TBC1D22A: variants seen among roughly 807,000 people sequenced by gnomAD.
The protein encoded by TBC1D22A is putative GTPase activator.
TBC1D22A carries 38 observed loss-of-function variants against 60.2 expected under a neutral mutation model. The ratio of observed to expected loss-of-function variants is 0.63; its 90% CI spans 0.49 to 0.83. The LOEUF is 0.83. Ranked by LOEUF, TBC1D22A falls within the 40% of genes least tolerant of loss-of-function variation. TBC1D22A has a pLI of 0.00. For synonymous variants in TBC1D22A, 302 were observed against 281.7 expected (o/e 1.07, Z -0.72); for missense variants, 628 against 701.0 (o/e 0.90, Z 1.18).
intron 6 of TBC1D22A, among the ~76,000 whole-genome samples, chr22:46,894,469 G>A (rs1222860759): frequency 6.6e-6 from 1 of 152,190 alleles, no homozygotes; most frequent in Admixed American, 6.5e-5. Flanking sequence ...GAAAATCGAT[G>A]TTTACTAATT....
At chr22:47,057,790 CGTG>C (rs1569400401) in intron 11 of TBC1D22A, among the ~76,000 whole-genome samples, 1 of 152,142 alleles carries the variant, frequency 6.6e-6, no homozygotes, top group East Asian at 1.9e-4. Flanking sequence ...TCCCATAACA[CGTG>C]GGGATTATGG....
At chr22:46,826,056 G>A (rs991248765) in intron 4 of TBC1D22A, among the ~76,000 whole-genome samples, 4 of 151,904 alleles carry the variant, frequency 2.6e-5, no homozygotes, top group Admixed American at 2.6e-4. Context: ...CTAATTTTTT[G>A]TATTTTTAGT....
At chr22:46,802,713 A>T (rs970253975) in intron 4 of TBC1D22A, among the ~76,000 whole-genome samples, 7 of 152,266 alleles carry the variant, frequency 4.6e-5, no homozygotes, top group Admixed American at 3.9e-4. Flanking sequence ...GGAAGAGCCG[A>T]TGACTGCTTC....
At chr22:46,784,755 C>T (rs1052512760) in intron 1 of TBC1D22A, among the ~76,000 whole-genome samples, 1 of 152,164 alleles carries the variant, frequency 6.6e-6, no homozygotes, top group Non-Finnish European at 1.5e-5. Flanking sequence ...AGAATGTAAA[C>T]GTTCATATAC....
chr22:47,071,485 G>A (rs2147511731), intron 11 of TBC1D22A, among the ~76,000 whole-genome samples: 1 of 152,342 alleles, frequency 6.6e-6, no homozygotes, highest in East Asian at 1.9e-4. Context: ...AGCAGCACAA[G>A]CCCTTTCAGT....
chr22:46,987,916 C>G (rs916052868), intron 9 of TBC1D22A, among the ~76,000 whole-genome samples: 1 of 152,170 alleles, frequency 6.6e-6, no homozygotes, highest in East Asian at 1.9e-4. Context: ...TTCAAAACCC[C>G]GGTCAGTTCT....
chr22:47,013,251 G>A (rs555283417), intron 10 of TBC1D22A, among the ~76,000 whole-genome samples: 2 of 152,184 alleles, frequency 1.3e-5, no homozygotes, highest in East Asian at 3.9e-4. Flanking sequence ...GGAAGTGGTG[G>A]TGACCATGCT....
At chr22:47,076,402 CACACACATAT>C (rs776645366) in intron 11 of TBC1D22A, among the ~76,000 whole-genome samples, 84 of 121,524 alleles carry the variant, frequency 6.9e-4, no homozygotes, top group African/African-American at 2.6e-3. Context: ...CACACACACA[CACACACATAT>C]ATATATATAT....
In TBC1D22A at chr22:47,162,408, G is replaced by T. The variant is rs1195992846; in HGVS notation, c.1426-11090G>T. The stretch of plus-strand genomic sequence containing the variant: ...GAGGCCCCCGTGGAGTTGCCATGGC[G>T]TGTGGTGTGAGGGGAGAGACGACTC... On this transcript the variant is annotated intron_variant, in intron 12 of 12. Transcript: ENST00000337137. 3.9e-5 allele frequency among the ~76,000 whole-genome samples: 6 copies of T among 152,222 alleles called. No individual in the cohort carries two copies. The South Asian group carries it at 1.0e-3, about 26-fold the overall frequency.
chr22:46,940,924 T>C (rs770876062), intron 8 of TBC1D22A, among the ~76,000 whole-genome samples: 3 of 136,992 alleles, frequency 2.2e-5, no homozygotes, highest in Non-Finnish European at 3.1e-5. Flanking sequence ...TATATGTATA[T>C]ACACAGTCCA....
intron 11 of TBC1D22A, among the ~76,000 whole-genome samples, chr22:47,109,040 C>T (rs1323225633): frequency 6.6e-6 from 1 of 152,186 alleles, no homozygotes; most frequent in Non-Finnish European, 1.5e-5. Flanking sequence ...CTCAGGAGAG[C>T]TGTTTAAGAT....
In TBC1D22A at chr22:47,078,606, G is replaced by A. The variant is rs149132392; in HGVS notation, c.1330-32902G>A. 1.0e-3 allele frequency among the ~76,000 whole-genome samples: 159 copies of A among 152,352 alleles called. 1 individual carries two copies. The highest frequency in any genetic ancestry group is 3.6e-3 in the African/African-American group (150 of 41,582). ...CCGTGTCACAGGCCAGAGCTGTGGC[G>A]TGTAGTTGCTATCAGTGTGATTCTT... On this transcript the variant is annotated intron_variant, in intron 11 of 12. Transcript: ENST00000337137.
intron 12 of TBC1D22A, among the ~76,000 whole-genome samples, chr22:47,145,838 A>G (rs1213774450): frequency 6.6e-6 from 1 of 152,064 alleles, no homozygotes; most frequent in African/African-American, 2.4e-5. Flanking sequence ...AGCCCATTTG[A>G]GAGTCAGCGG....
intron 8 of TBC1D22A, among the ~76,000 whole-genome samples, chr22:46,963,381 AGG>A (rs1555971762): frequency 1.1e-4 from 8 of 72,102 alleles, no homozygotes; most frequent in South Asian, 2.9e-4. Context: ...GCAGTGCCCA[AGG>A]CTGGAAAGGC....
intron 1 of TBC1D22A, among the ~76,000 whole-genome samples, chr22:46,767,878 G>A (rs1041462202): frequency 6.6e-6 from 1 of 152,048 alleles, no homozygotes; most frequent in Non-Finnish European, 1.5e-5. Context: ...GGGGAGAGTC[G>A]TGGGGTGCGT....
At chr22:46,821,526 G>T (rs972440655) in intron 4 of TBC1D22A, among the ~76,000 whole-genome samples, 2 of 152,166 alleles carry the variant, frequency 1.3e-5, no homozygotes, top group African/African-American at 4.8e-5. Context: ...TTGGCTGGAT[G>T]TGAAATTTTG....
At chr22:47,099,674 A>G (rs2065331472) in intron 11 of TBC1D22A, among the ~76,000 whole-genome samples, 1 of 151,466 alleles carries the variant, frequency 6.6e-6, no homozygotes, top group Non-Finnish European at 1.5e-5. Flanking sequence ...TGAACTCCTG[A>G]CCTCAGGTGG....
At chr22:47,139,731 C>T (rs979990438) in intron 12 of TBC1D22A, among the ~76,000 whole-genome samples, 13 of 152,324 alleles carry the variant, frequency 8.5e-5, no homozygotes, top group South Asian at 2.1e-4. Flanking sequence ...CTGCCCAGGG[C>T]GCCTGGGCTG....
At chr22:47,157,812 A>T (rs1345038375) in intron 12 of TBC1D22A, among the ~76,000 whole-genome samples, 2 of 152,164 alleles carry the variant, frequency 1.3e-5, no homozygotes, top group Non-Finnish European at 2.9e-5. Context: ...CTGGAGGCCC[A>T]GCTGTGAGTT....
Sources: gnomAD v4.1 joint callset for allele counts (sites outside exome capture counted in the v4.1 genomes callset) on GRCh38, gnomAD v4.1.1 for gene constraint, MANE v1.5 for transcripts, NCBI Gene and HGNC (gene_info 2026-07-23, HGNC 2026-07-21) for gene names.